Variants in PLD5 observed in about 807,000 individuals in gnomAD.
The protein encoded by PLD5 is inactive phospholipase D5.
Under a neutral mutation model 61.1 loss-of-function variants are expected in PLD5, and 36 were observed. That is an observed-to-expected ratio of 0.59 (90% confidence interval 0.45 to 0.78). PLD5 has a LOEUF of 0.78. Among genes scored for constraint, PLD5 ranks in the 30% least tolerant of loss-of-function variants. The probability of loss-of-function intolerance (pLI) is 0.00; values close to 1 mark genes in which losing one functional copy is unlikely to be tolerated. For missense variants in PLD5, 515 were observed against 644.4 expected, an observed-to-expected ratio of 0.80 and a Z score of 2.17; for synonymous variants, 243 against 242.8, an observed-to-expected ratio of 1.00 and a Z score of -0.01.
In PLD5 at chr1:242,288,309, A is replaced by G. The variant is rs531989430; in HGVS notation, c.495+53T>C. On this transcript the variant is annotated intron_variant, in intron 3 of 9. Transcript: ENST00000536534. ...GGAGTGGAGGAGCAGAATACTAAGGAGTGGAAAATGCACATAAGTAAAATC... is the reference window on the plus strand; with the variant it reads ...GGAGTGGAGGAGCAGAATACTAAGGGGTGGAAAATGCACATAAGTAAAATC... 4 of 1,587,702 alleles carry G rather than the reference A, an allele frequency of 2.5e-6. No individual in the cohort carries two copies. In the South Asian group the frequency reaches 4.7e-5, roughly 18 times the overall value.
At chr1:242,522,161 T>C (rs1669301222) in intron 1 of PLD5, among the ~76,000 whole-genome samples, 1 of 152,212 alleles carries the variant, frequency 6.6e-6, no homozygotes, top group Non-Finnish European at 1.5e-5. Flanking sequence ...TCATTAAATG[T>C]AGTTGAAAAA....
intron 2 of PLD5, among the ~76,000 whole-genome samples, chr1:242,301,693 C>T (rs1383859148): frequency 6.6e-6 from 1 of 151,930 alleles, no homozygotes; most frequent in Non-Finnish European, 1.5e-5. Context: ...GATGATGGTC[C>T]CATAAGACTG....
At chr1:242,314,062 C>T (rs1051038104) in intron 2 of PLD5, among the ~76,000 whole-genome samples, 4 of 152,098 alleles carry the variant, frequency 2.6e-5, no homozygotes, top group East Asian at 3.9e-4. Context: ...ACATTAGTCT[C>T]GTGGTCAAGG....
At chr1:242,150,189 T>A (rs1664831624) in intron 5 of PLD5, among the ~76,000 whole-genome samples, 1 of 151,742 alleles carries the variant, frequency 6.6e-6, no homozygotes, top group Non-Finnish European at 1.5e-5. Context: ...TTTTTATAAT[T>A]TCAATTTTTG....
At chr1:242,269,194 C>T (rs576143106) in intron 3 of PLD5, among the ~76,000 whole-genome samples, 1 of 152,298 alleles carries the variant, frequency 6.6e-6, no homozygotes, top group South Asian at 2.1e-4. Context: ...GGCTTTTAAA[C>T]ATCACCAATA....
At chr1:242,164,240 T>TA (rs1414984992) in intron 5 of PLD5, among the ~76,000 whole-genome samples, 2 of 151,858 alleles carry the variant, frequency 1.3e-5, no homozygotes, top group Non-Finnish European at 2.9e-5. Flanking sequence ...TTCTTGGAAA[T>TA]AAAATCTTCC....
intron 3 of PLD5, among the ~76,000 whole-genome samples, chr1:242,275,896 C>T (rs1295125789): frequency 6.6e-6 from 1 of 152,142 alleles, no homozygotes; most frequent in Non-Finnish European, 1.5e-5. Context: ...CCCTCTGAAG[C>T]ATTTAACCCA....
intron 7 of PLD5, among the ~76,000 whole-genome samples, chr1:242,108,264 G>A (rs1298498308): frequency 6.7e-6 from 1 of 149,430 alleles, no homozygotes; most frequent in African/African-American, 2.6e-5. Flanking sequence ...TCCCCGAAAT[G>A]AACTTACGCT....
chr1:242,085,276 G>A lies in PLD5; in HGVS notation c.*4578C>T, dbSNP rs747400285. On this transcript the variant is annotated 3_prime_UTR_variant, in exon 10 of 10. Coordinates refer to ENST00000536534, the MANE Select transcript of PLD5 (RefSeq NM_001372062.1). ...TTGCCAAAAGAAGCGTTAATGACCA[G>A]TGAAGTTTTAGAACCTTGTAAATAC... is the stretch of plus-strand genomic sequence containing the variant. 6.6e-6 allele frequency: 1 copy of A among 151,892 alleles called. No individual in the cohort carries two copies. The highest frequency in any genetic ancestry group is 1.5e-5 in the Non-Finnish European group (1 of 67,980). 9.4% of individuals were successfully genotyped at this position (151,892 alleles called of 1,614,324 possible). A position where few individuals can be genotyped will look rare whatever the true frequency, so the allele number is the denominator to read the frequency against.
chr1:242,449,944 G>A (rs757760420), intron 1 of PLD5, among the ~76,000 whole-genome samples: 8 of 152,222 alleles, frequency 5.3e-5, no homozygotes, highest in Non-Finnish European at 1.2e-4. Flanking sequence ...GTGGCGTAGC[G>A]CTGTCAAATC....
intron 4 of PLD5, 67 bp from the exon 5 acceptor site, chr1:242,220,182 C>T (rs1055441859): frequency 4.9e-5 from 76 of 1,565,824 alleles, no homozygotes; most frequent in Non-Finnish European, 6.6e-5. Context: ...CAGTCACCTA[C>T]CAGTGGAAAT....
intron 1 of PLD5, among the ~76,000 whole-genome samples, chr1:242,433,190 G>T (rs60241552): frequency 0.058 from 8,890 of 152,220 alleles, 846 homozygotes; most frequent in African/African-American, 0.2. Flanking sequence ...TGTTCAACAA[G>T]GCTCAATAGA....
intron 1 of PLD5, among the ~76,000 whole-genome samples, chr1:242,421,122 G>C (rs1232622381): frequency 7.1e-6 from 1 of 141,314 alleles, no homozygotes; most frequent in African/African-American, 2.7e-5. Flanking sequence ...GAAGGTTGCA[G>C]TGATCCGAGA....
intron 3 of PLD5, among the ~76,000 whole-genome samples, chr1:242,280,739 TA>T (rs1484611601): frequency 3.3e-5 from 5 of 152,174 alleles, no homozygotes; most frequent in African/African-American, 1.2e-4. Context: ...TTTCTTGGGT[TA>T]AAAAAAATTG....
chr1:242,317,039 G>A (rs1180222843), intron 2 of PLD5, among the ~76,000 whole-genome samples: 2 of 144,416 alleles, frequency 1.4e-5, no homozygotes, highest in Non-Finnish European at 3.0e-5. Flanking sequence ...ACAGAGTCTT[G>A]CTCTTTCACC....
chr1:242,216,961 C>A (rs1457872443), intron 5 of PLD5, among the ~76,000 whole-genome samples: 1 of 152,188 alleles, frequency 6.6e-6, no homozygotes, highest in Non-Finnish European at 1.5e-5. Context: ...ATCAACTCTG[C>A]CTGTGCTCTA....
At chr1:242,404,631 T>C (rs1664123104) in intron 1 of PLD5, among the ~76,000 whole-genome samples, 1 of 148,906 alleles carries the variant, frequency 6.7e-6, no homozygotes, top group Middle Eastern at 3.2e-3. Flanking sequence ...CACCGCTTTA[T>C]CCACATTTGT....
In PLD5 at chr1:242,236,322, G is replaced by T. The variant is rs560861923; in HGVS notation, c.608-16207C>A. On this transcript the variant is annotated intron_variant, in intron 4 of 9. Coordinates refer to ENST00000536534, the MANE Select transcript of PLD5 (RefSeq NM_001372062.1). Reference sequence around the variant, plus strand: ...AGACTGACAGTGGGTTAAAAGAAATGCTTCCAAGGGCTCCCAATCTAATGC... The same window carrying T: ...AGACTGACAGTGGGTTAAAAGAAATTCTTCCAAGGGCTCCCAATCTAATGC... 6.8e-4 allele frequency among the ~76,000 whole-genome samples: 103 copies of T among 152,282 alleles called. No homozygotes were observed. In the Middle Eastern group the frequency reaches 0.01, roughly 15 times the overall value.
intron 1 of PLD5, among the ~76,000 whole-genome samples, chr1:242,436,371 T>C (rs1665995636): frequency 1.3e-5 from 2 of 152,310 alleles, no homozygotes; most frequent in Non-Finnish European, 2.9e-5. Context: ...TTCATCTCCT[T>C]GCCTCCAGAG....
Sources: gnomAD v4.1 joint callset for allele counts (sites outside exome capture counted in the v4.1 genomes callset) on GRCh38, gnomAD v4.1.1 for gene constraint, MANE v1.5 for transcripts, NCBI Gene and HGNC (gene_info 2026-07-23, HGNC 2026-07-21) for gene names.